ZNF484: variants seen among roughly 807,000 people sequenced by gnomAD.
The protein encoded by ZNF484 is KRAB box containing C2H2 type zinc finger bA526D8.4.
Under a neutral mutation model 12.9 loss-of-function variants are expected in ZNF484, and 11 were observed. The observed-to-expected ratio is 0.85, with a 90% CI of 0.54 to 1.41. ZNF484 has a LOEUF of 1.41. ZNF484 is among the 40% of genes most tolerant of loss of function. The pLI, the probability that ZNF484 is intolerant of heterozygous loss-of-function variation, is 0.00. For synonymous variants in ZNF484, 289 were observed against 334.1 expected (o/e 0.86, Z 1.47); for missense variants, 807 against 1,007.7 (o/e 0.80, Z 2.70).
In ZNF484 at chr9:92,847,271, T is replaced by TG. The variant is rs1328983538; in HGVS notation, c.1515_1516insC (p.Thr506HisfsTer2). The TG allele has an allele frequency of 7.4e-6, 12 of 1,614,006 alleles. No individual in the cohort carries two copies. Among genetic ancestry groups the TG allele is most frequent in the Middle Eastern group, 1.6e-4 (1 of 6,084 alleles). On this transcript the variant is annotated frameshift_variant, in exon 5 of 5. Coordinates refer to ENST00000375495, the MANE Select transcript of ZNF484 (RefSeq NM_031486.4). LOFTEE classifies it low-confidence loss of function (END_TRUNC). Reference sequence around the variant, plus strand: ...TGCTTAATGAGATTTGACCTGTCAGTAAAGGCCTTACCACACACAGTACAT... The same window carrying TG: ...TGCTTAATGAGATTTGACCTGTCAGTGAAAGGCCTTACCACACACAGTACAT...
intron 2 of ZNF484, among the ~76,000 whole-genome samples, chr9:92,859,757 A>T (rs914433439): frequency 2.0e-5 from 3 of 152,222 alleles, no homozygotes; most frequent in Non-Finnish European, 4.4e-5. Context: ...AACTCACAGA[A>T]ATTAGAAAAG....
At chr9:92,877,704 G>T in intron 1 of ZNF484, 186 bp downstream of exon 1, 1 of 1,361,634 alleles carries the variant, frequency 7.3e-7, no homozygotes, top group Middle Eastern at 1.8e-4. Context: ...TCCTCACTCC[G>T]CCTGCAGATC....
Position 92,848,246 on chromosome 9 carries a change from ACGAGTTACAGT to A in ZNF484, c.530_540del (p.Asn177MetfsTer13). ...ATGATAGGCTCCAAATTCTTTCCAC[ACGAGTTACAGT>A]TATGGGGTCTTTTTCTTGAGGAAAC... is the stretch of plus-strand genomic sequence containing the variant. On this transcript the variant is annotated frameshift_variant, in exon 5 of 5. Transcript: ENST00000375495. LOFTEE classifies it low-confidence loss of function (END_TRUNC). This position sits in a 1 kb window ranked among gnomAD's most constrained non-coding sequence, Gnocchi z 4.1. The A allele has an allele frequency of 6.2e-7, 1 of 1,614,124 alleles. No homozygotes were observed. The highest frequency in any genetic ancestry group is 8.5e-7 in the Non-Finnish European group (1 of 1,180,024).
chr9:92,876,718 A>G (rs796476611), intron 1 of ZNF484, among the ~76,000 whole-genome samples: 6 of 152,338 alleles, frequency 3.9e-5, no homozygotes, highest in African/African-American at 1.4e-4. Context: ...CATTAAGTGT[A>G]TGTATGCCCA....
rs1440467295 is a variant in ZNF484 at position 92,846,665 on chromosome 9, T to C, written c.2122A>G (p.Ile708Val). The C allele has an allele frequency of 6.2e-7, 1 of 1,613,798 alleles. No individual in the cohort carries two copies. The highest frequency in any genetic ancestry group is 1.3e-5 in the African/African-American group (1 of 74,862). ...GKAFARKSTL[I>V]MHQRIHTGEK... ...CCTGTATGAATTCTCTGATGCATAA[T>C]TAGTGTTGATTTTCTTGCAAAGGCT... Residue 708 changes from isoleucine (I) to valine (V), a missense_variant, in exon 5 of 5, where the codon ATT (isoleucine) becomes GTT (valine). Transcript: ENST00000375495.
chr9:92,860,965 C>G (rs1342056030), intron 2 of ZNF484, among the ~76,000 whole-genome samples: 1 of 151,986 alleles, frequency 6.6e-6, no homozygotes, highest in African/African-American at 2.4e-5. Flanking sequence ...TACGAGCAGC[C>G]CAGATATAAA....
At position 92,856,223 on chromosome 9, in the gene ZNF484, C is replaced by A; in HGVS notation, c.111G>T (p.Met37Ile). The change falls in exon 3 of 5, where the codon ATG (methionine) becomes ATT (isoleucine). Residue 37 changes from methionine (M) to isoleucine (I), a missense_variant. By Grantham distance (10) the Met-to-Ile change is conservative. Coordinates refer to ENST00000375495, the MANE Select transcript of ZNF484 (RefSeq NM_031486.4). ...AGATCAAGTTGAAATAGTTTTCCAG[C>A]ATCACTTCTCTGTACAGGCTTTTCT... ...LAQKSLYREVMLENYFNLISV... is the reference protein window; with the variant it reads ...LAQKSLYREVILENYFNLISV... 6.2e-7 allele frequency: 1 copy of A among 1,613,862 alleles called. No individual in the cohort carries two copies. The highest frequency in any genetic ancestry group is 8.5e-7 in the Non-Finnish European group (1 of 1,179,968).
Position 92,846,791 on chromosome 9 carries a change from A to C in ZNF484, c.1996T>G (p.Cys666Gly). The change falls in exon 5 of 5, where the codon TGT becomes GGT. Residue 666 changes from cysteine (C) to glycine (G), a missense_variant. Cys to Gly is a radical substitution (Grantham distance 159). Coordinates refer to ENST00000375495, the MANE Select transcript of ZNF484 (RefSeq NM_031486.4). ...KIHTGEKPYK[C>G]SDCGKAFTRK... Reference sequence around the variant, plus strand: ...GTGAAGGCTTTCCCACAGTCACTACATTTATAAGGTTTCTCTCCAGTGTGA... The same window carrying C: ...GTGAAGGCTTTCCCACAGTCACTACCTTTATAAGGTTTCTCTCCAGTGTGA... 6.2e-7 allele frequency: 1 copy of C among 1,614,074 alleles called. No homozygotes were observed. Among genetic ancestry groups the C allele is most frequent in the Non-Finnish European group, 8.5e-7 (1 of 1,180,000 alleles).
chr9:92,874,904 TTTTA>T, intron 2 of ZNF484, 107 bp downstream of exon 2: 1 of 1,062,026 alleles, frequency 9.4e-7, no homozygotes, highest in Non-Finnish European at 1.4e-6. Context: ...TGATCTTAGT[TTTTA>T]TTTATTTAGT....
At chr9:92,860,029 C>G (rs955615565) in intron 2 of ZNF484, among the ~76,000 whole-genome samples, 3 of 152,174 alleles carry the variant, frequency 2.0e-5, no homozygotes, top group Admixed American at 2.0e-4. Context: ...GAGACTTGAT[C>G]ATGTGGACAT....
intron 3 of ZNF484, 96 bp downstream of exon 3, chr9:92,856,096 A>C (rs939002346): frequency 2.9e-5 from 45 of 1,535,318 alleles, no homozygotes; most frequent in Non-Finnish European, 3.8e-5. Context: ...GAAGTCCCAC[A>C]TACCTCAGAA....
intron 4 of ZNF484, among the ~76,000 whole-genome samples, chr9:92,850,676 C>G (rs529218978): frequency 6.6e-6 from 1 of 152,068 alleles, no homozygotes; most frequent in East Asian, 1.9e-4. Flanking sequence ...CTCCGCCTCC[C>G]GGGTTCAAGC....
chr9:92,864,629 T>C (rs1856962717), intron 2 of ZNF484, among the ~76,000 whole-genome samples: 2 of 152,270 alleles, frequency 1.3e-5, no homozygotes, highest in South Asian at 4.1e-4. Context: ...TCTTAAGCTT[T>C]TAAGCAAAAA....
At chr9:92,854,253 A>C (rs982062309) in intron 4 of ZNF484, among the ~76,000 whole-genome samples, 2 of 152,220 alleles carry the variant, frequency 1.3e-5, no homozygotes, top group Non-Finnish European at 2.9e-5. Context: ...AATATTAAAA[A>C]TTTGGATAAT....
intron 2 of ZNF484, among the ~76,000 whole-genome samples, chr9:92,873,313 T>G (rs1033331594): frequency 4.6e-5 from 7 of 152,186 alleles, no homozygotes; most frequent in Non-Finnish European, 1.0e-4. Context: ...AAAATAAATT[T>G]TTGTTGTTTA....
chr9:92,860,779 CT>C, intron 2 of ZNF484, among the ~76,000 whole-genome samples: 1 of 152,230 alleles, frequency 6.6e-6, no homozygotes, highest in Non-Finnish European at 1.5e-5. Context: ...GGTAGCACCC[CT>C]CTTGCCTCTC....
chr9:92,854,776 T>C (rs886626881), intron 4 of ZNF484, among the ~76,000 whole-genome samples: 1 of 152,138 alleles, frequency 6.6e-6, no homozygotes. Context: ...AAGAAATGTA[T>C]TGCAGTACTG....
At chr9:92,855,100 T>C (rs1247028042) in intron 4 of ZNF484, among the ~76,000 whole-genome samples, 1 of 152,134 alleles carries the variant, frequency 6.6e-6, no homozygotes, top group Non-Finnish European at 1.5e-5. Context: ...CTTAAACACA[T>C]TGATGATGAT....
chr9:92,877,809 C>T (rs1857929101), intron 1 of ZNF484, 81 bp downstream of exon 1: 1 of 1,535,734 alleles, frequency 6.5e-7, no homozygotes, highest in Non-Finnish European at 8.7e-7. Flanking sequence ...CTGACCGACC[C>T]CATCACTGAC....
Sources: gnomAD v4.1 joint callset for allele counts (sites outside exome capture counted in the v4.1 genomes callset) on GRCh38, gnomAD v4.1.1 for gene constraint, Gnocchi (gnomAD v3.1) non-coding constraint, MANE v1.5 for transcripts, NCBI Gene and HGNC (gene_info 2026-07-23, HGNC 2026-07-21) for gene names.